Variants in FABP2 observed in about 807,000 individuals in gnomAD.
FABP2 encodes fatty acid binding protein 2.
A neutral mutation model predicts 16.1 loss-of-function variants in FABP2; 11 were observed. The ratio of observed to expected loss-of-function variants is 0.68; its 90% CI spans 0.43 to 1.13. FABP2 has a LOEUF of 1.13. Ranked by LOEUF, FABP2 falls within the 50% of genes most tolerant of loss-of-function variation. The pLI is 0.00. For missense variants in FABP2, 146 were observed against 155.1 expected (o/e 0.94, Z 0.31); for synonymous variants, 45 against 50.9 (o/e 0.88, Z 0.49).
rs747477007 is a variant in FABP2, at chr4:119,322,036, C to T, written c.67G>A (p.Gly23Ser). 3 of 1,610,524 alleles carry T rather than the reference C, an allele frequency of 1.9e-6. No individual in the cohort carries two copies. In the South Asian group the frequency reaches 3.3e-5, roughly 18 times the overall value. Residue 23 changes from glycine (G) to serine (S), a missense_variant and splice_region_variant, in exon 1 of 4, where the codon GGT (glycine) becomes AGT (serine). Transcript: ENST00000274024. ...ENYDKFMEKM[G>S]VNIVKRKLAA... ...AGCCACAAAGAAATAAAGTCTTTACCCATTTTTTCCATGAACTTGTCATAG... is the reference window on the plus strand; with the variant it reads ...AGCCACAAAGAAATAAAGTCTTTACTCATTTTTTCCATGAACTTGTCATAG...
intron 2 of FABP2, among the ~76,000 whole-genome samples, chr4:119,320,305 T>C (rs1478446967): frequency 6.6e-6 from 1 of 152,038 alleles, no homozygotes; most frequent in Non-Finnish European, 1.5e-5. Context: ...CTTTTATTAT[T>C]TCAACATGTT....
In FABP2 at chr4:119,317,992, G is replaced by T. The variant is rs1206567369; in HGVS notation, c.*1049C>A. ...CACCAGGAAATTTTCTAGAATTCTT[G>T]GTTCTATTAGCGATTCTGATATAAT... On this transcript the variant is annotated 3_prime_UTR_variant, in exon 4 of 4. Transcript: ENST00000274024. 1.3e-5 allele frequency: 2 copies of T among 151,974 alleles called. No homozygotes were observed. Among genetic ancestry groups the T allele is most frequent in the East Asian group, 1.9e-4 (1 of 5,184 alleles). The allele number at this position is 151,974 out of a possible 1,614,324, so 9.4% of individuals were successfully genotyped here.
In FABP2 at chr4:119,319,040, C is replaced by T; in HGVS notation, c.*1G>A. ...TTTGGACTGTGCGCCAAGAATAATG[C>T]TCAATCCTTTTTAAAGATCCTTTTG... On this transcript the variant is annotated 3_prime_UTR_variant, in exon 4 of 4. Transcript: ENST00000274024. 1.2e-6 allele frequency: 2 copies of T among 1,601,332 alleles called. No homozygotes were observed. Among genetic ancestry groups the T allele is most frequent in the Non-Finnish European group, 1.7e-6 (2 of 1,174,192 alleles).
chr4:119,320,652 A>T lies in FABP2; in HGVS notation c.240+18T>A, dbSNP rs746861346. Reference sequence around the variant, plus strand: ...GAAAAATCAAGAATGCATTGCTCATAAAAAAAAAAATTCTTACCCTGAGTT... The same window carrying T: ...GAAAAATCAAGAATGCATTGCTCATTAAAAAAAAAATTCTTACCCTGAGTT... On this transcript the variant is annotated intron_variant, in intron 2 of 3. Transcript: ENST00000274024. 6 of 825,074 alleles carry T rather than the reference A, an allele frequency of 7.3e-6. No homozygotes were observed. The highest frequency in any genetic ancestry group is 5.4e-5 in the South Asian group (2 of 37,136). 51.1% of individuals were successfully genotyped at this position (825,074 alleles called of 1,614,324 possible).
chr4:119,320,443 T>C (rs1044423839), intron 2 of FABP2, among the ~76,000 whole-genome samples: 1 of 152,082 alleles, frequency 6.6e-6, no homozygotes, highest in Admixed American at 6.6e-5. Context: ...AGTTTTCTAA[T>C]TCTTACTGTT....
rs1331577057 is a variant in FABP2, at chr4:119,319,072, A to G, written c.368T>C (p.Val123Ala). Residue 123 changes from valine to alanine, a missense_variant, in exon 4 of 4, where the codon GTA (valine) becomes GCA (alanine). Transcript: ENST00000274024. ...CTTTTTAAAGATCCTTTTGGCTTCT[A>G]CTCCTTCATATACATAAGTCTGAAA... ...ELVQTYVYEG[V>A]EAKRIFKKD The G allele has an allele frequency of 1.9e-6, 3 of 1,601,914 alleles. No individual in the cohort carries two copies. Among genetic ancestry groups the G allele is most frequent in the Non-Finnish European group, 1.7e-6 (2 of 1,174,766 alleles).
intron 3 of FABP2, 87 bp downstream of exon 3, chr4:119,319,449 A>G: frequency 1.4e-6 from 1 of 720,836 alleles, no homozygotes; most frequent in South Asian, 1.7e-5. Context: ...TAGTCAGTTT[A>G]CTGAAGATCT....
chr4:119,321,926 C>T, intron 1 of FABP2, 110 bp downstream of exon 1: 1 of 833,922 alleles, frequency 1.2e-6, no homozygotes, highest in Non-Finnish European at 2.0e-6. Context: ...CTCTCTACCA[C>T]ATCAGGAGCT....
chr4:119,321,934 G>T, intron 1 of FABP2, 102 bp downstream of exon 1: 1 of 890,310 alleles, frequency 1.1e-6, no homozygotes. Flanking sequence ...CACATCAGGA[G>T]CTATCTGTAA....
In FABP2 at chr4:119,317,896, TAAAAATAACATTGATA is replaced by T. The variant is rs1755605444; in HGVS notation, c.*1129_*1144del. 1 of 152,062 alleles carries T rather than the reference TAAAAATAACATTGATA, an allele frequency of 6.6e-6. No individual in the cohort carries two copies. Among genetic ancestry groups the T allele is most frequent in the African/African-American group, 2.4e-5 (1 of 41,426 alleles). The allele number at this position is 152,062 out of a possible 1,614,324, so 9.4% of individuals were successfully genotyped here. On this transcript the variant is annotated 3_prime_UTR_variant, in exon 4 of 4. Coordinates refer to ENST00000274024, the MANE Select transcript of FABP2 (RefSeq NM_000134.4). ...CAACAACAAAAAAGAAGGGGGTGGT[TAAAAATAACATTGATA>T]ACTGATATCTCCATTGTTCTCAAAG...
At chr4:119,321,316 C>T (rs1755665404) in intron 1 of FABP2, among the ~76,000 whole-genome samples, 1 of 151,798 alleles carries the variant, frequency 6.6e-6, no homozygotes, top group African/African-American at 2.4e-5. Flanking sequence ...GCATTTCTTT[C>T]TGACACAAAA....
At chr4:119,321,165 G>T (rs1348893201) in intron 1 of FABP2, among the ~76,000 whole-genome samples, 3 of 151,934 alleles carry the variant, frequency 2.0e-5, no homozygotes, top group Non-Finnish European at 4.4e-5. Context: ...ATCAAATGAA[G>T]GATTAAAATG....
At chr4:119,319,398 T>C (rs1755628463) in intron 3 of FABP2, 138 bp downstream of exon 3, 3 of 509,804 alleles carry the variant, frequency 5.9e-6, no homozygotes, top group African/African-American at 4.0e-5. Flanking sequence ...AAAATAGCTA[T>C]ACAATATTTT....
rs2149497739 is a variant in FABP2, at chr4:119,317,633, C to T, written c.*1408G>A. ...AACAGTGTGTGGCAAGTAGTAAGAA[C>T]TATGTAAATGTTAAGCTGTTATCTA... On this transcript the variant is annotated 3_prime_UTR_variant, in exon 4 of 4. Coordinates refer to ENST00000274024, the MANE Select transcript of FABP2 (RefSeq NM_000134.4). The T allele has an allele frequency of 6.6e-6, 1 of 152,102 alleles. No individual in the cohort carries two copies. Among genetic ancestry groups the T allele is most frequent in the East Asian group, 1.9e-4 (1 of 5,168 alleles). The allele number at this position is 152,102 out of a possible 1,614,324, so 9.4% of individuals were successfully genotyped here.
rs570286284 is a variant in FABP2 at position 119,317,856 on chromosome 4, A to T, written c.*1185T>A. On this transcript the variant is annotated 3_prime_UTR_variant, in exon 4 of 4. Transcript: ENST00000274024. The stretch of plus-strand genomic sequence containing the variant: ...TGGAAAATTGGCAATGTATGTGTTT[A>T]TGTGAAAAAACCCACAACAACAAAA... The T allele has an allele frequency of 6.6e-6, 1 of 152,222 alleles. No individual in the cohort carries two copies. Among genetic ancestry groups the T allele is most frequent in the Admixed American group, 6.5e-5 (1 of 15,270 alleles). 9.4% of individuals were successfully genotyped at this position (152,222 alleles called of 1,614,324 possible).
Position 119,318,012 on chromosome 4 carries a change from T to C in FABP2, c.*1029A>G, listed in dbSNP as rs1755607265. On this transcript the variant is annotated 3_prime_UTR_variant, in exon 4 of 4. Coordinates refer to ENST00000274024, the MANE Select transcript of FABP2 (RefSeq NM_000134.4). Reference sequence around the variant, plus strand: ...TTCTTGGTTCTATTAGCGATTCTGATATAATAGAATAACAGTGGAGATTAA... The same window carrying C: ...TTCTTGGTTCTATTAGCGATTCTGACATAATAGAATAACAGTGGAGATTAA... 6.6e-6 allele frequency: 1 copy of C among 152,130 alleles called. No individual in the cohort carries two copies. The highest frequency in any genetic ancestry group is 2.1e-4 in the South Asian group (1 of 4,836). 9.4% of individuals were successfully genotyped at this position (152,130 alleles called of 1,614,324 possible). A position where few individuals can be genotyped will look rare whatever the true frequency, so the allele number is the denominator to read the frequency against.
Position 119,322,032 on chromosome 4 carries a change from T to C in FABP2, c.67+4A>G. 1 of 1,609,862 alleles carries C rather than the reference T, an allele frequency of 6.2e-7. No individual in the cohort carries two copies. The highest frequency in any genetic ancestry group is 8.5e-7 in the Non-Finnish European group (1 of 1,177,040). On this transcript the variant is annotated splice_donor_region_variant and intron_variant, in intron 1 of 3. Transcript: ENST00000274024. The stretch of plus-strand genomic sequence containing the variant: ...AATGAGCCACAAAGAAATAAAGTCT[T>C]TACCCATTTTTTCCATGAACTTGTC...
rs973764916 is a variant in FABP2, at chr4:119,318,876, T to C, written c.*165A>G. On this transcript the variant is annotated 3_prime_UTR_variant, in exon 4 of 4. Transcript: ENST00000274024. ...GAATATAAAACAAATTAAATCCTAA[T>C]TAGCTTTTACTTCTTTTGCTTTGGC... 2 of 490,196 alleles carry C rather than the reference T, an allele frequency of 4.1e-6. No homozygotes were observed. Among genetic ancestry groups the C allele is most frequent in the Non-Finnish European group, 7.4e-6 (2 of 270,942 alleles). 30.4% of individuals were successfully genotyped at this position (490,196 alleles called of 1,614,324 possible).
chr4:119,319,092 C>T lies in FABP2; in HGVS notation c.349-1G>A. 6.3e-7 allele frequency: 1 copy of T among 1,583,780 alleles called. No individual in the cohort carries two copies. On this transcript the variant is annotated splice_acceptor_variant, in intron 3 of 3. Coordinates refer to ENST00000274024, the MANE Select transcript of FABP2 (RefSeq NM_000134.4). LOFTEE classifies it high-confidence loss of function. The stretch of plus-strand genomic sequence containing the variant: ...CTTCTACTCCTTCATATACATAAGT[C>T]TGAAAGGTGTTAACAAACAGAAGAA...
Sources: gnomAD v4.1 joint callset for allele counts (sites outside exome capture counted in the v4.1 genomes callset) on GRCh38, gnomAD v4.1.1 for gene constraint, MANE v1.5 for transcripts, NCBI Gene and HGNC (gene_info 2026-07-23, HGNC 2026-07-21) for gene names.